Variants in FHOD3 observed in about 807,000 individuals in gnomAD.
FHOD3 encodes FH1/FH2 domain-containing protein 3.
Under a neutral mutation model 173.0 loss-of-function variants are expected in FHOD3, and 90 were observed. The ratio of observed to expected loss-of-function variants is 0.52; its 90% CI spans 0.44 to 0.62. The LOEUF (loss-of-function observed/expected upper bound fraction) is 0.62. FHOD3 is among the 20% of genes least tolerant of loss of function. FHOD3 has a pLI of 0.00. For synonymous variants in FHOD3, 828 were observed against 823.0 expected (o/e 1.01, Z -0.10); for missense variants, 1,945 against 2,034.7 (o/e 0.96, Z 0.85).
At chr18:36,743,845 C>T (rs942864509) in intron 22 of FHOD3, among the ~76,000 whole-genome samples, 187 bp from the exon 23 acceptor site, 1 of 152,138 alleles carries the variant, frequency 6.6e-6, no homozygotes, top group Non-Finnish European at 1.5e-5. Context: ...GCTAGAGGCT[C>T]CCTCATTCTC....
At position 36,515,495 on chromosome 18, in the gene FHOD3, G is replaced by A. The variant is rs112490935; in HGVS notation, c.511+2952G>A. On this transcript the variant is annotated intron_variant, in intron 5 of 28. Transcript: ENST00000590592. ...GCCTCCCAAAGTGGTGGGATTACAGGCGTGAGCCACTGCGCCCGGCCACAG... is the reference window on the plus strand; with the variant it reads ...GCCTCCCAAAGTGGTGGGATTACAGACGTGAGCCACTGCGCCCGGCCACAG... Among the ~76,000 whole-genome samples, 618 of 152,294 alleles carry A rather than the reference G, an allele frequency of 4.1e-3. 5 individuals carry two copies. The highest frequency in any genetic ancestry group is 0.014 in the African/African-American group (593 of 41,550).
chr18:36,777,381 T>C (rs2043753899), intron 28 of FHOD3, among the ~76,000 whole-genome samples: 1 of 151,938 alleles, frequency 6.6e-6, no homozygotes, highest in South Asian at 2.1e-4. Flanking sequence ...TTTGTATTTT[T>C]AGTAGAGATG....
At chr18:36,572,490 T>A (rs1222060822) in intron 5 of FHOD3, among the ~76,000 whole-genome samples, 2 of 152,100 alleles carry the variant, frequency 1.3e-5, no homozygotes, top group Non-Finnish European at 2.9e-5. Context: ...AGTGGGTAGG[T>A]ACAAAAAAGA....
chr18:36,621,529 G>C (rs370907371), intron 9 of FHOD3, among the ~76,000 whole-genome samples: 1 of 152,166 alleles, frequency 6.6e-6, no homozygotes, highest in African/African-American at 2.4e-5. Flanking sequence ...ATTTGGTACT[G>C]GCTGTTGGCT....
At chr18:36,606,069 G>T (rs930163161) in intron 8 of FHOD3, among the ~76,000 whole-genome samples, 3 of 152,192 alleles carry the variant, frequency 2.0e-5, no homozygotes, top group East Asian at 3.9e-4. Context: ...TTCAGGGAAA[G>T]CAGGACCCCA....
rs1429281868 is a variant in FHOD3 at position 36,718,477 on chromosome 18, T to G, written c.3179T>G (p.Val1060Gly). The change falls in exon 19 of 29, where the codon GTG (valine) becomes GGG (glycine). Residue 1060 changes from valine (V) to glycine (G), a missense_variant. Physicochemically the swap from Val to Gly is moderately radical, Grantham distance 109. Around this residue, in one of 5 missense-constraint regions of FHOD3, gnomAD observed 1,099 missense variants for 1,051.2 expected, o/e 1.05. Coordinates refer to ENST00000590592, the MANE Select transcript of FHOD3 (RefSeq NM_001281740.3). The stretch of plus-strand genomic sequence containing the variant: ...AATTTATTGGTTCCTCCTCCTCCAG[T>G]GTTCAACGCTCCTCAGGGCTTAGGG... ...PGNLLVPPPPVFNAPQGLGWS... is the reference protein window; with the variant it reads ...PGNLLVPPPPGFNAPQGLGWS... 1.2e-6 allele frequency: 2 copies of G among 1,611,440 alleles called. No homozygotes were observed. Among genetic ancestry groups the G allele is most frequent in the South Asian group, 2.2e-5 (2 of 90,970 alleles).
intron 14 of FHOD3, among the ~76,000 whole-genome samples, chr18:36,672,120 G>A (rs958845922): frequency 3.3e-5 from 5 of 152,166 alleles, no homozygotes; most frequent in African/African-American, 7.2e-5. Context: ...AGTGGTATAT[G>A]AGTTTTGCTA....
chr18:36,505,179 ATAAAGGTATTGT>A lies in FHOD3; in HGVS notation c.405+3185_405+3196del, dbSNP rs542969167. On this transcript the variant is annotated intron_variant, in intron 4 of 28. Transcript: ENST00000590592. ...GTTTGCTTATTCTGTGCTCTGTGGT[ATAAAGGTATTGT>A]TAAAATGTCCAAAAGGAATGCAGAT... Among the ~76,000 whole-genome samples the A allele has an allele frequency of 2.2e-4, 34 of 152,376 alleles. No individual in the cohort carries two copies. The South Asian group carries it at 6.8e-3, about 31-fold the overall frequency.
chr18:36,308,026 A>G (rs187930764), intron 1 of FHOD3, among the ~76,000 whole-genome samples: 1 of 152,186 alleles, frequency 6.6e-6, no homozygotes, highest in Non-Finnish European at 1.5e-5. Flanking sequence ...ACCATGATCC[A>G]TGTAACCATT....
chr18:36,522,237 G>C (rs1306429276), intron 5 of FHOD3, among the ~76,000 whole-genome samples: 1 of 152,208 alleles, frequency 6.6e-6, no homozygotes, highest in Non-Finnish European at 1.5e-5. Flanking sequence ...AGAAGGAATA[G>C]AAGAATGATA....
intron 8 of FHOD3, among the ~76,000 whole-genome samples, chr18:36,611,705 G>A (rs2032695718): frequency 6.6e-6 from 1 of 152,272 alleles, no homozygotes; most frequent in Non-Finnish European, 1.5e-5. Context: ...CCCCTCTCAT[G>A]GGAGTGCCCA....
chr18:36,677,232 C>T (rs1438463215), intron 14 of FHOD3, among the ~76,000 whole-genome samples: 1 of 151,552 alleles, frequency 6.6e-6, no homozygotes, highest in African/African-American at 2.4e-5. Flanking sequence ...AATCTATGCT[C>T]ACTGCAACCT....
chr18:36,353,220 G>A (rs1020316796), intron 1 of FHOD3, among the ~76,000 whole-genome samples: 2 of 152,196 alleles, frequency 1.3e-5, no homozygotes, highest in African/African-American at 4.8e-5. Flanking sequence ...TAATTATGAG[G>A]TATGGTCTGC....
intron 8 of FHOD3, among the ~76,000 whole-genome samples, chr18:36,603,143 CA>C (rs1490390035): frequency 2.6e-5 from 4 of 152,150 alleles, no homozygotes; most frequent in Admixed American, 2.6e-4. Flanking sequence ...TCTAGTCTTT[CA>C]AACTGAGACA....
chr18:36,621,731 C>T (rs546323507), intron 9 of FHOD3, among the ~76,000 whole-genome samples: 1 of 152,298 alleles, frequency 6.6e-6, no homozygotes, highest in South Asian at 2.1e-4. Context: ...ATATTCTTCT[C>T]TCTATTTTGT....
At chr18:36,579,721 A>C (rs1318241702) in intron 6 of FHOD3, among the ~76,000 whole-genome samples, 3 of 152,186 alleles carry the variant, frequency 2.0e-5, no homozygotes, top group Admixed American at 6.5e-5. Context: ...TTGGATGCAG[A>C]GAGACTGGGC....
chr18:36,762,854 A>G (rs2042941143), intron 27 of FHOD3, among the ~76,000 whole-genome samples: 1 of 147,616 alleles, frequency 6.8e-6, no homozygotes, highest in Admixed American at 6.8e-5. Context: ...ATAATCATAT[A>G]TATTATATAC....
In FHOD3 at chr18:36,515,575, C is replaced by T. The variant is rs73423284; in HGVS notation, c.511+3032C>T. 4.1e-3 allele frequency among the ~76,000 whole-genome samples: 621 copies of T among 152,272 alleles called. 4 individuals carry two copies. The highest frequency in any genetic ancestry group is 0.014 in the African/African-American group (588 of 41,550). ...TCAGAAAGGTGCCAGAGGCAATTCC[C>T]GAATGTTTAAGTCTCAGAACACTCA... On this transcript the variant is annotated intron_variant, in intron 5 of 28. Coordinates refer to ENST00000590592, the MANE Select transcript of FHOD3 (RefSeq NM_001281740.3).
chr18:36,619,026 G>A (rs935324208), intron 9 of FHOD3, among the ~76,000 whole-genome samples: 4 of 152,154 alleles, frequency 2.6e-5, no homozygotes, highest in African/African-American at 7.2e-5. Flanking sequence ...GGGGCTCATC[G>A]CTATCTTGAC....
Sources: allele counts gnomAD v4.1 joint callset (sites outside exome capture counted in the v4.1 genomes callset), GRCh38; gene constraint gnomAD v4.1.1; regional missense constraint gnomAD v4.1.1; transcripts MANE v1.5; gene names NCBI Gene and HGNC (gene_info 2026-07-23, HGNC 2026-07-21).